The following BCL11B variants were observed in gnomAD, a reference collection of about 807,000 sequenced individuals.
BCL11B encodes BCL11 transcription factor B, also known as B-cell lymphoma/leukemia 11B.
A neutral mutation model predicts 49.9 loss-of-function variants in BCL11B; 8 were observed. The ratio of observed to expected loss-of-function variants is 0.16; its 90% CI spans 0.09 to 0.29. The LOEUF (loss-of-function observed/expected upper bound fraction) is 0.29. BCL11B is among the 10% of genes least tolerant of loss of function. The pLI is 1.00. For missense variants in BCL11B, 1,006 were observed against 1,351.0 expected, an observed-to-expected ratio of 0.74 and a Z score of 4.00; for synonymous variants, 739 against 637.4, an observed-to-expected ratio of 1.16 and a Z score of -2.40.
chr14:99,235,716 G>C (rs1351141895), intron 2 of BCL11B, among the ~76,000 whole-genome samples: 2 of 150,744 alleles, frequency 1.3e-5, no homozygotes, highest in Admixed American at 1.3e-4. Flanking sequence ...GGACAGCGGG[G>C]GGAAGGAGGT....
rs1888376086 is a variant in BCL11B, at chr14:99,232,761, C to A, written c.428-1204G>T. Among the ~76,000 whole-genome samples, 1 of 152,218 alleles carries A rather than the reference C, an allele frequency of 6.6e-6. No individual in the cohort carries two copies. Among genetic ancestry groups the A allele is most frequent in the African/African-American group, 2.4e-5 (1 of 41,462 alleles). On this transcript the variant is annotated intron_variant, in intron 2 of 3. Coordinates refer to ENST00000357195, the MANE Select transcript of BCL11B (RefSeq NM_138576.4). This position sits in a 1 kb window ranked among gnomAD's most constrained non-coding sequence, Gnocchi z 5.1. ...CTGATGGCGTGACTGCAGAAAACTG[C>A]AGACATCAGCAGCCCCATCCAAACC... is the stretch of plus-strand genomic sequence containing the variant.
intron 2 of BCL11B, among the ~76,000 whole-genome samples, chr14:99,251,558 A>G (rs781092490): frequency 9.2e-5 from 14 of 152,224 alleles, no homozygotes; most frequent in Non-Finnish European, 1.6e-4. Context: ...AAAATAAAAG[A>G]AATAATCATA....
At chr14:99,260,850 G>T (rs1323199909) in intron 1 of BCL11B, among the ~76,000 whole-genome samples, 1 of 151,842 alleles carries the variant, frequency 6.6e-6, no homozygotes, top group African/African-American at 2.4e-5. Flanking sequence ...GGCCCTGTTG[G>T]CGTCCCCGAG....
At chr14:99,224,310 T>G (rs1888098383) in intron 3 of BCL11B, among the ~76,000 whole-genome samples, 1 of 152,182 alleles carries the variant, frequency 6.6e-6, no homozygotes, top group African/African-American at 2.4e-5. Context: ...TGACCCCTGG[T>G]GGGTTGTGTG....
intron 1 of BCL11B, among the ~76,000 whole-genome samples, chr14:99,259,804 A>G (rs1889284157): frequency 6.6e-6 from 1 of 152,254 alleles, no homozygotes; most frequent in Admixed American, 6.5e-5. Context: ...AATTTATTTT[A>G]TGAAAAGATG....
chr14:99,237,041 C>T (rs182456549), intron 2 of BCL11B, among the ~76,000 whole-genome samples: 1 of 151,416 alleles, frequency 6.6e-6, no homozygotes, highest in Non-Finnish European at 1.5e-5. Context: ...ATTTGTCTTT[C>T]TCTCAATCCC....
chr14:99,265,071 G>A (rs969826464), intron 1 of BCL11B, among the ~76,000 whole-genome samples: 3 of 151,942 alleles, frequency 2.0e-5, no homozygotes, highest in African/African-American at 7.3e-5. Context: ...AAAGAGTGCC[G>A]CACAGGACCT....
At position 99,236,238 on chromosome 14, in the gene BCL11B, C is replaced by G. The variant is rs565772065; in HGVS notation, c.428-4681G>C. Among the ~76,000 whole-genome samples the G allele has an allele frequency of 3.9e-5, 6 of 152,152 alleles. No individual in the cohort carries two copies. The South Asian group carries it at 8.3e-4, about 21-fold the overall frequency. On this transcript the variant is annotated intron_variant, in intron 2 of 3. Coordinates refer to ENST00000357195, the MANE Select transcript of BCL11B (RefSeq NM_138576.4). ...AGATAGGCAGATAACCCAATTCGCA[C>G]GCGGGCAAATAAAAATATTTTTTTC... is the stretch of plus-strand genomic sequence containing the variant.
At chr14:99,197,739 C>A (rs768423065) in intron 3 of BCL11B, among the ~76,000 whole-genome samples, 26 of 152,176 alleles carry the variant, frequency 1.7e-4, no homozygotes, top group Non-Finnish European at 1.9e-4. Flanking sequence ...AGAAACGAAG[C>A]AGACAGACGG....
At position 99,257,863 on chromosome 14, in the gene BCL11B, A is replaced by T. The variant is rs757634897; in HGVS notation, c.59-24T>A. The T allele has an allele frequency of 6.7e-7, 1 of 1,502,386 alleles. No individual in the cohort carries two copies. The highest frequency in any genetic ancestry group is 8.9e-7 in the Non-Finnish European group (1 of 1,123,174). The allele number at this position is 1,502,386 out of a possible 1,614,324, so 93.1% of individuals were successfully genotyped here. A position where few individuals can be genotyped will look rare whatever the true frequency, so the allele number is the denominator to read the frequency against. On this transcript the variant is annotated intron_variant, in intron 1 of 3. Transcript: ENST00000357195. This position sits in a 1 kb window ranked among gnomAD's most constrained non-coding sequence, Gnocchi z 6.2. ...TGCTGGAGACAGAAAGAAGAAAGGG[A>T]AGGGGCAGAGAAGATAGAGATGGGC... is the stretch of plus-strand genomic sequence containing the variant.
intron 3 of BCL11B, among the ~76,000 whole-genome samples, chr14:99,181,839 A>T (rs1886713270): frequency 6.6e-6 from 1 of 152,198 alleles, no homozygotes; most frequent in Non-Finnish European, 1.5e-5. Flanking sequence ...GGTACCCAGT[A>T]CCCAAGGAGA....
intron 2 of BCL11B, among the ~76,000 whole-genome samples, chr14:99,254,138 G>T (rs927657275): frequency 1.3e-5 from 2 of 152,230 alleles, no homozygotes; most frequent in African/African-American, 4.8e-5. Flanking sequence ...GGGGATCCAG[G>T]TGGGGACACC....
At position 99,175,121 on chromosome 14, in the gene BCL11B, C is replaced by A; in HGVS notation, c.1715G>T (p.Gly572Val). The change falls in exon 4 of 4, where the codon GGG becomes GTG. Residue 572 changes from glycine (G) to valine (V), a missense_variant. This residue lies in a region of BCL11B where 443 missense variants were observed against 499.7 expected (regional missense o/e 0.89). Transcript: ENST00000357195. ...CCCCGCGCCCGGGACCCCGGGCACC[C>A]CACCACCGCCGTTCTCGCGGTTGCG... ...LSRNRENGGGGVPGVPGAGGG... is the reference protein window; with the variant it reads ...LSRNRENGGGVVPGVPGAGGG... 1 of 1,589,666 alleles carries A rather than the reference C, an allele frequency of 6.3e-7. No homozygotes were observed.
chr14:99,182,484 C>T lies in BCL11B; in HGVS notation c.641-6289G>A, dbSNP rs115945355. 9.5e-4 allele frequency among the ~76,000 whole-genome samples: 144 copies of T among 152,270 alleles called. 1 individual carries two copies. The highest frequency in any genetic ancestry group is 3.3e-3 in the African/African-American group (136 of 41,546). ...CAGTATTTTACCTTTCATTTCAGCCCACGTACTAACAAAAATGTCAAGATG... is the reference window on the plus strand; with the variant it reads ...CAGTATTTTACCTTTCATTTCAGCCTACGTACTAACAAAAATGTCAAGATG... On this transcript the variant is annotated intron_variant, in intron 3 of 3. Transcript: ENST00000357195.
chr14:99,244,322 G>C (rs1422178972), intron 2 of BCL11B, among the ~76,000 whole-genome samples: 1 of 151,004 alleles, frequency 6.6e-6, no homozygotes, highest in Non-Finnish European at 1.5e-5. Context: ...CACACCCCTA[G>C]TCTCCAAAAA....
Position 99,268,520 on chromosome 14 carries a change from C to T in BCL11B, c.58+2641G>A, listed in dbSNP as rs1407786108. Among the ~76,000 whole-genome samples, 3 of 152,116 alleles carry T rather than the reference C, an allele frequency of 2.0e-5. No homozygotes were observed. The East Asian group carries it at 5.8e-4, about 29-fold the overall frequency. ...ATGCGACAGCACCCGCTTTGCCAGC[C>T]AGGGCTCCAAAGCACCCTGAGTCCA... On this transcript the variant is annotated intron_variant, in intron 1 of 3. Coordinates refer to ENST00000357195, the MANE Select transcript of BCL11B (RefSeq NM_138576.4).
chr14:99,271,092 C>T (rs1314960377), intron 1 of BCL11B, 69 bp downstream of exon 1: 9 of 1,433,016 alleles, frequency 6.3e-6, no homozygotes, highest in South Asian at 2.7e-5. Context: ...GTTCCGGGCT[C>T]GGTGTCCCCA....
intron 2 of BCL11B, among the ~76,000 whole-genome samples, chr14:99,237,064 G>A (rs553179299): frequency 7.5e-4 from 113 of 151,142 alleles, no homozygotes; most frequent in Non-Finnish European, 6.5e-4. Context: ...TTTTTGGGGG[G>A]CTGTGGGGGG....
intron 3 of BCL11B, among the ~76,000 whole-genome samples, chr14:99,229,138 GGATGGA>G (rs1350272093): frequency 6.6e-6 from 1 of 151,894 alleles, no homozygotes; most frequent in African/African-American, 2.4e-5. Flanking sequence ...ATGGATGGAT[GGATGGA>G]TGGATGGATG....
Sources: allele counts gnomAD v4.1 joint callset (sites outside exome capture counted in the v4.1 genomes callset), GRCh38; gene constraint gnomAD v4.1.1; regional missense constraint gnomAD v4.1.1; non-coding constraint Gnocchi (gnomAD v3.1); transcripts MANE v1.5; gene names NCBI Gene and HGNC (gene_info 2026-07-23, HGNC 2026-07-21).